ATG5: variants seen among roughly 807,000 people sequenced by gnomAD.
The protein encoded by ATG5 is autophagy protein 5.
A neutral mutation model predicts 36.5 loss-of-function variants in ATG5; 14 were observed. That is an observed-to-expected ratio of 0.38 (90% confidence interval 0.25 to 0.60). The LOEUF (loss-of-function observed/expected upper bound fraction) is 0.60. Ranked by LOEUF, ATG5 falls within the 20% of genes least tolerant of loss-of-function variation. ATG5 has a pLI of 0.60. For missense variants in ATG5, 195 were observed against 326.7 expected (o/e 0.60, Z 3.11); for synonymous variants, 95 against 101.5 (o/e 0.94, Z 0.38).
intron 5 of ATG5, among the ~76,000 whole-genome samples, chr6:106,253,846 A>G (rs1420163311): frequency 6.6e-6 from 1 of 152,210 alleles, no homozygotes; most frequent in Non-Finnish European, 1.5e-5. Flanking sequence ...AACCCACTGC[A>G]TCTCCTTACT....
At chr6:106,254,727 A>C (rs750029477) in intron 5 of ATG5, among the ~76,000 whole-genome samples, 1 of 152,222 alleles carries the variant, frequency 6.6e-6, no homozygotes, top group East Asian at 1.9e-4. Flanking sequence ...ATTCAACAAG[A>C]GAAGGCACTG....
chr6:106,204,062 C>A (rs1776534478), intron 6 of ATG5, among the ~76,000 whole-genome samples: 1 of 152,056 alleles, frequency 6.6e-6, no homozygotes, highest in Non-Finnish European at 1.5e-5. Context: ...GAACATCACA[C>A]ACCAAGGCCT....
intron 7 of ATG5, among the ~76,000 whole-genome samples, chr6:106,193,456 TTC>T (rs1776048825): frequency 6.6e-6 from 1 of 152,188 alleles, no homozygotes; most frequent in South Asian, 2.1e-4. Context: ...ATCTCTGTAT[TTC>T]TTAGTAAGGA....
intron 3 of ATG5, among the ~76,000 whole-genome samples, chr6:106,297,747 CACACACACACACACACACAT>C (rs879260402): frequency 0.024 from 3,540 of 147,602 alleles, 61 homozygotes; most frequent in African/African-American, 0.047. Flanking sequence ...CACACACACA[CACACACACACACACACACAT>C]ATATATTTTA....
intron 4 of ATG5, among the ~76,000 whole-genome samples, chr6:106,290,268 ATTTTAT>A (rs1780253915): frequency 8.2e-6 from 1 of 121,914 alleles, no homozygotes; most frequent in Non-Finnish European, 2.0e-5. Context: ...TATTTATTTT[ATTTTAT>A]TTTATTTTAT....
At chr6:106,315,677 T>C (rs902751688) in intron 2 of ATG5, among the ~76,000 whole-genome samples, 1 of 152,184 alleles carries the variant, frequency 6.6e-6, no homozygotes, top group African/African-American at 2.4e-5. Flanking sequence ...AACAGTTGCT[T>C]AGAATCTCCT....
intron 5 of ATG5, among the ~76,000 whole-genome samples, chr6:106,264,210 A>G (rs1298412412): frequency 1.3e-5 from 2 of 152,200 alleles, no homozygotes; most frequent in African/African-American, 4.8e-5. Flanking sequence ...ACAAGTATCA[A>G]TAGCCAAACT....
intron 7 of ATG5, among the ~76,000 whole-genome samples, chr6:106,198,528 G>A (rs138067901): frequency 6.6e-6 from 1 of 152,266 alleles, no homozygotes; most frequent in East Asian, 1.9e-4. Context: ...TGTAATGCCA[G>A]CACTTTGGGA....
chr6:106,311,687 T>C lies in ATG5; in HGVS notation c.109-3196A>G, dbSNP rs974789019. Reference sequence around the variant, plus strand: ...ACTAAATGAAAGATCCTAAAAATGATGAAAAGCCACAAAGGTTTTAAGCAA... The same window carrying C: ...ACTAAATGAAAGATCCTAAAAATGACGAAAAGCCACAAAGGTTTTAAGCAA... On this transcript the variant is annotated intron_variant, in intron 2 of 7. Coordinates refer to ENST00000369076, the MANE Select transcript of ATG5 (RefSeq NM_004849.4). 3.3e-5 allele frequency among the ~76,000 whole-genome samples: 5 copies of C among 152,184 alleles called. No individual in the cohort carries two copies. The South Asian group carries it at 6.2e-4, about 19-fold the overall frequency.
At chr6:106,303,344 A>G (rs1321766934) in intron 3 of ATG5, among the ~76,000 whole-genome samples, 3 of 150,076 alleles carry the variant, frequency 2.0e-5, no homozygotes. Flanking sequence ...CAAAACCCAT[A>G]AACTACCAAC....
intron 5 of ATG5, among the ~76,000 whole-genome samples, chr6:106,277,232 G>T (rs1779693416): frequency 6.6e-6 from 1 of 152,108 alleles, no homozygotes; most frequent in African/African-American, 2.4e-5. Flanking sequence ...GTTAAAACTA[G>T]ATCACAGTTT....
At chr6:106,315,159 G>A (rs936436515) in intron 2 of ATG5, among the ~76,000 whole-genome samples, 25 of 152,180 alleles carry the variant, frequency 1.6e-4, no homozygotes, top group Non-Finnish European at 2.6e-4. Flanking sequence ...CTGACTTTCC[G>A]TAGCTGGAGC....
At chr6:106,307,532 AC>A (rs199893661) in intron 3 of ATG5, among the ~76,000 whole-genome samples, 130 of 124,352 alleles carry the variant, frequency 1.0e-3, no homozygotes, top group African/African-American at 2.9e-3. Context: ...TGATTTCAAT[AC>A]CCTTTTTTTT....
At chr6:106,187,927 A>T (rs1015199678) in intron 7 of ATG5, among the ~76,000 whole-genome samples, 1 of 152,344 alleles carries the variant, frequency 6.6e-6, no homozygotes, top group Admixed American at 6.5e-5. Flanking sequence ...AATTCCAAAG[A>T]TAACCAAATA....
chr6:106,292,247 C>A (rs1203484277), intron 4 of ATG5, among the ~76,000 whole-genome samples: 2 of 152,154 alleles, frequency 1.3e-5, no homozygotes, highest in Non-Finnish European at 2.9e-5. Context: ...ATGGTGGAAT[C>A]ATTGCTATTT....
At chr6:106,315,494 A>G (rs1160998221) in intron 2 of ATG5, among the ~76,000 whole-genome samples, 1 of 152,188 alleles carries the variant, frequency 6.6e-6, no homozygotes, top group Non-Finnish European at 1.5e-5. Flanking sequence ...AAGTGTTTGT[A>G]AAATACATAA....
intron 6 of ATG5, among the ~76,000 whole-genome samples, chr6:106,223,472 A>C (rs555188592): frequency 1.3e-5 from 2 of 152,338 alleles, no homozygotes; most frequent in African/African-American, 4.8e-5. Context: ...ATCTCAGCGT[A>C]GTAGATAGCT....
At chr6:106,254,113 T>G (rs1778706220) in intron 5 of ATG5, among the ~76,000 whole-genome samples, 1 of 152,128 alleles carries the variant, frequency 6.6e-6, no homozygotes, top group Non-Finnish European at 1.5e-5. Flanking sequence ...CCAAACTTGC[T>G]CCCATTTCAG....
intron 5 of ATG5, among the ~76,000 whole-genome samples, chr6:106,274,650 CATAA>C (rs1328706840): frequency 7.9e-5 from 12 of 152,158 alleles, no homozygotes; most frequent in South Asian, 2.1e-4. Context: ...AATCCAATTC[CATAA>C]ATAAATTCAA....
Sources: gnomAD v4.1 joint callset for allele counts (sites outside exome capture counted in the v4.1 genomes callset) on GRCh38, gnomAD v4.1.1 for gene constraint, MANE v1.5 for transcripts, NCBI Gene and HGNC (gene_info 2026-07-23, HGNC 2026-07-21) for gene names.